SIPA1L1: variants seen among roughly 807,000 people sequenced by gnomAD.
SIPA1L1 encodes signal-induced proliferation-associated 1-like protein 1.
Under a neutral mutation model 162.7 loss-of-function variants are expected in SIPA1L1, and 26 were observed. That is an observed-to-expected ratio of 0.16 (90% CI 0.12 to 0.22). The LOEUF (loss-of-function observed/expected upper bound fraction) is 0.22, where lower values mean the gene tolerates loss of function less well. Among genes scored for constraint, SIPA1L1 ranks in the 10% least tolerant of loss-of-function variants. SIPA1L1 has a pLI of 1.00. For missense variants in SIPA1L1, 1,874 were observed against 2,241.0 expected (o/e 0.84, Z 3.31); for synonymous variants, 829 against 837.4 (o/e 0.99, Z 0.17).
At chr14:71,590,571 G>A (rs1402403108) in intron 5 of SIPA1L1, among the ~76,000 whole-genome samples, 1 of 152,110 alleles carries the variant, frequency 6.6e-6, no homozygotes, top group African/African-American at 2.4e-5. Flanking sequence ...ATTCCAGAAG[G>A]CTTGTTGACG....
intron 2 of SIPA1L1, among the ~76,000 whole-genome samples, chr14:71,324,124 A>G (rs2033500896): frequency 6.6e-6 from 1 of 152,216 alleles, no homozygotes; most frequent in Non-Finnish European, 1.5e-5. Flanking sequence ...GATGAGCTAC[A>G]AAAATTGATG....
chr14:71,336,414 TC>T (rs1355502865), intron 2 of SIPA1L1, among the ~76,000 whole-genome samples: 1 of 152,204 alleles, frequency 6.6e-6, no homozygotes, highest in Non-Finnish European at 1.5e-5. Context: ...CTACTTTCTG[TC>T]TTTATAGATT....
intron 2 of SIPA1L1, among the ~76,000 whole-genome samples, chr14:71,489,377 C>A (rs1043234787): frequency 7.2e-5 from 11 of 152,126 alleles, no homozygotes; most frequent in Non-Finnish European, 1.6e-4. Flanking sequence ...TCATTACTTC[C>A]AGGAAATTCG....
intron 5 of SIPA1L1, among the ~76,000 whole-genome samples, chr14:71,613,685 C>T (rs2038483726): frequency 6.6e-6 from 1 of 152,150 alleles, no homozygotes; most frequent in Admixed American, 6.5e-5. Context: ...CTCCCCTTCC[C>T]TGCTAAACTT....
intron 2 of SIPA1L1, among the ~76,000 whole-genome samples, chr14:71,506,871 C>T (rs1487108893): frequency 2.7e-5 from 4 of 148,684 alleles, no homozygotes; most frequent in Non-Finnish European, 1.5e-5. Flanking sequence ...GTCTTGTTGC[C>T]CAGGGTGGTC....
intron 19 of SIPA1L1, among the ~76,000 whole-genome samples, chr14:71,729,058 C>A (rs1311123610): frequency 6.6e-6 from 1 of 152,110 alleles, no homozygotes; most frequent in Admixed American, 6.5e-5. Flanking sequence ...TTTTTTGAGA[C>A]AGAGTCTCAC....
chr14:71,391,046 G>A (rs1193301722), intron 2 of SIPA1L1, among the ~76,000 whole-genome samples: 2 of 151,334 alleles, frequency 1.3e-5, no homozygotes, highest in Non-Finnish European at 2.9e-5. Context: ...CAATGACAGT[G>A]GAAAGGAAAT....
chr14:71,397,989 TTAAA>T (rs1331090513), intron 2 of SIPA1L1, among the ~76,000 whole-genome samples: 1 of 149,474 alleles, frequency 6.7e-6, no homozygotes, highest in Non-Finnish European at 1.5e-5. Flanking sequence ...CTAACTGGAA[TTAAA>T]TAACCAAAAA....
intron 13 of SIPA1L1, among the ~76,000 whole-genome samples, chr14:71,691,579 T>A (rs1014535005): frequency 2.6e-5 from 4 of 151,998 alleles, no homozygotes; most frequent in Non-Finnish European, 2.9e-5. Flanking sequence ...GGTAACAGAG[T>A]GAGACCCTGT....
rs1252578327 is a variant in SIPA1L1, at chr14:71,587,615, G to C, written c.-258G>C. 1 of 466,496 alleles carries C rather than the reference G, an allele frequency of 2.1e-6. No homozygotes were observed. Among genetic ancestry groups the C allele is most frequent in the Non-Finnish European group, 3.8e-6 (1 of 265,590 alleles). 28.9% of individuals were successfully genotyped at this position (466,496 alleles called of 1,614,324 possible). A position where few individuals can be genotyped will look rare whatever the true frequency, so the allele number is the denominator to read the frequency against. On this transcript the variant is annotated 5_prime_UTR_variant, in exon 5 of 24. Transcript: ENST00000381232. ...CAACCACAGAATCTCAGTAGTACAA[G>C]TTCCATTCAGTTTTTTCTGAAAGAA...
At chr14:71,506,218 T>C (rs1201527684) in intron 2 of SIPA1L1, among the ~76,000 whole-genome samples, 2 of 152,242 alleles carry the variant, frequency 1.3e-5, no homozygotes, top group Admixed American at 6.5e-5. Flanking sequence ...AGATTATTTG[T>C]GTTTTGCTTC....
chr14:71,573,389 A>G (rs79877047), intron 4 of SIPA1L1: 1 of 358,026 alleles, frequency 2.8e-6, no homozygotes, highest in Non-Finnish European at 5.5e-6. Flanking sequence ...ATCAAATAAG[A>G]TGCAGTTCCT....
At chr14:71,446,909 T>TTTG (rs2045423415) in intron 2 of SIPA1L1, among the ~76,000 whole-genome samples, 1 of 109,004 alleles carries the variant, frequency 9.2e-6, no homozygotes, top group Non-Finnish European at 1.8e-5. Flanking sequence ...TTTTTTTGTT[T>TTTG]TTTTTTTTTT....
rs71105788 is a variant in SIPA1L1, at chr14:71,627,131, CTTTTTTTTTTTTTTTTTTTTTTT to C, written c.1818+2916_1818+2938del. ...TGATGCCTTTCTGGGACTTTCACTA[CTTTTTTTTTTTTTTTTTTTTTTT>C]TTTTTTTTTTTTTTTTTTTTGAGAC... On this transcript the variant is annotated intron_variant, in intron 7 of 23. Coordinates refer to ENST00000381232, the MANE Select transcript of SIPA1L1 (RefSeq NM_001386936.1). 2.9e-4 allele frequency among the ~76,000 whole-genome samples: 14 copies of C among 48,786 alleles called. No individual in the cohort carries two copies. The East Asian group carries it at 3.4e-3, about 12-fold the overall frequency. The allele number at this position is 48,786 out of a possible 152,430, so 32.0% of individuals were successfully genotyped here.
intron 8 of SIPA1L1, among the ~76,000 whole-genome samples, chr14:71,653,629 A>G (rs1042914907): frequency 2.6e-5 from 4 of 152,130 alleles, no homozygotes; most frequent in Admixed American, 2.6e-4. Context: ...AAGGATCACT[A>G]TCCAAGGCTG....
chr14:71,361,095 T>G lies in SIPA1L1; in HGVS notation c.-465+39914T>G, dbSNP rs1448436490. On this transcript the variant is annotated intron_variant, in intron 2 of 23. Coordinates refer to ENST00000381232, the MANE Select transcript of SIPA1L1 (RefSeq NM_001386936.1). ...CCTCACTGTACCCTTCCCCCTTCAC[T>G]AGGGATATGATAAAGGTTTTTACTT... Among the ~76,000 whole-genome samples, 3 of 152,142 alleles carry G rather than the reference T, an allele frequency of 2.0e-5. No homozygotes were observed. In the East Asian group the frequency reaches 5.8e-4, roughly 29 times the overall value.
chr14:71,710,760 A>T (rs2082812608), intron 17 of SIPA1L1, among the ~76,000 whole-genome samples: 1 of 150,756 alleles, frequency 6.6e-6, no homozygotes, highest in African/African-American at 2.5e-5. Context: ...GTGAGCCAAG[A>T]TCACACAACT....
At chr14:71,732,945 G>A (rs1340908560) in intron 20 of SIPA1L1, among the ~76,000 whole-genome samples, 1 of 152,234 alleles carries the variant, frequency 6.6e-6, no homozygotes, top group Non-Finnish European at 1.5e-5. Flanking sequence ...GGGCGTGGTG[G>A]CTCACGCCTG....
In SIPA1L1 at chr14:71,489,641, A is replaced by G. The variant is rs184740185; in HGVS notation, c.-464-23102A>G. On this transcript the variant is annotated intron_variant, in intron 2 of 23. Transcript: ENST00000381232. ...TGGCTTCCCTGGGCCATACTGGAAG[A>G]ATAAGAATTGTCTCAGGCCACGCAT... is the stretch of plus-strand genomic sequence containing the variant. 5.1e-3 allele frequency among the ~76,000 whole-genome samples: 777 copies of G among 152,216 alleles called. 5 individuals carry two copies. Among genetic ancestry groups the G allele is most frequent in the African/African-American group, 0.018 (729 of 41,530 alleles).
Sources: gnomAD v4.1 joint callset for allele counts (sites outside exome capture counted in the v4.1 genomes callset) on GRCh38, gnomAD v4.1.1 for gene constraint, MANE v1.5 for transcripts, NCBI Gene and HGNC (gene_info 2026-07-23, HGNC 2026-07-21) for gene names.